HDAC5: variants seen among roughly 807,000 people sequenced by gnomAD.
HDAC5 encodes antigen NY-CO-9.
A neutral mutation model predicts 133.3 loss-of-function variants in HDAC5; 25 were observed. The observed-to-expected ratio is 0.19, with a 90% CI of 0.14 to 0.26. HDAC5 has a LOEUF of 0.26. HDAC5 is among the 10% of genes least tolerant of loss of function. The probability of loss-of-function intolerance (pLI) is 1.00; values close to 1 mark genes in which losing one functional copy is unlikely to be tolerated. For synonymous variants in HDAC5, 589 were observed against 610.8 expected, an observed-to-expected ratio of 0.96 and a Z score of 0.53; for missense variants, 1,041 against 1,460.5, an observed-to-expected ratio of 0.71 and a Z score of 4.68.
chr17:44,095,647 G>GT (rs935218779), intron 3 of HDAC5, among the ~76,000 whole-genome samples: 4 of 151,896 alleles, frequency 2.6e-5, no homozygotes, highest in African/African-American at 9.7e-5. Flanking sequence ...CAGTTTTATT[G>GT]TAATTACCCT....
Position 44,091,803 on chromosome 17 carries a change from A to G in HDAC5, c.1061T>C (p.Leu354Pro). The change falls in exon 10 of 27, where the codon CTG (leucine) becomes CCG (proline). Residue 354 changes from leucine (L) to proline (P), a missense_variant. Leu to Pro is a moderately conservative substitution (Grantham distance 98). This residue lies in a region of HDAC5 where 433 missense variants were observed against 531.6 expected (regional missense o/e 0.81). Transcript: ENST00000682912. ...EMLPQHRALP[L>P]DSSPNQFSLY... The stretch of plus-strand genomic sequence containing the variant: ...GCTGAACTGGTTGGGGGAGCTGTCC[A>G]GAGGGAGGGCTCGGTGCTGAGGGAG... 6.3e-7 allele frequency: 1 copy of G among 1,592,646 alleles called. No homozygotes were observed. Among genetic ancestry groups the G allele is most frequent in the African/African-American group, 1.3e-5 (1 of 74,270 alleles).
rs773299458 is a variant in HDAC5 at position 44,087,474 on chromosome 17, C to G, written c.1822G>C (p.Glu608Gln). The G allele has an allele frequency of 3.2e-6, 5 of 1,542,278 alleles. No individual in the cohort carries two copies. The South Asian group carries it at 3.3e-5, about 10-fold the overall frequency. The change falls in exon 13 of 27, where the codon GAG (glutamate) becomes CAG (glutamine). Residue 608 changes from glutamate (E) to glutamine (Q), a missense_variant. By Grantham distance (29) the Glu-to-Gln change is conservative. Transcript: ENST00000682912. ...CCCTCCTCAGCACCACTCTCGCCCT[C>G]CTCGTCCTTAACCTGGATGCAATCC... is the stretch of plus-strand genomic sequence containing the variant. ...EEDCIQVKDE[E>Q]GESGAEEGPD...
At chr17:44,101,026 T>G (rs1203525988) in intron 3 of HDAC5, among the ~76,000 whole-genome samples, 3 of 149,264 alleles carry the variant, frequency 2.0e-5, no homozygotes, top group Non-Finnish European at 4.5e-5. Flanking sequence ...CTTGACCTCA[T>G]GATCCGCCCG....
At chr17:44,115,879 G>A (rs1004688854) in intron 2 of HDAC5, 1 of 152,242 alleles carries the variant, frequency 6.6e-6, no homozygotes, top group Non-Finnish European at 1.5e-5. Context: ...GGGCTCAGCA[G>A]TGGCTCTCAA....
intron 13 of HDAC5, 116 bp downstream of exon 13, chr17:44,087,296 G>C: frequency 3.0e-6 from 2 of 659,152 alleles, no homozygotes; most frequent in South Asian, 3.7e-5. Context: ...ACAGAAAGCT[G>C]CTCCTGCACA....
chr17:44,084,724 A>T (rs756497044), intron 15 of HDAC5, 49 bp from the exon 16 acceptor site: 37 of 1,605,236 alleles, frequency 2.3e-5, no homozygotes, highest in Middle Eastern at 1.7e-4. Context: ...CAGCTCTCTC[A>T]GAGCCTCTCT....
rs2051089945 is a variant in HDAC5 at position 44,093,750 on chromosome 17, C to T, written c.179G>A (p.Arg60Gln). ...GGGSPSPVEL[R>Q]GALVGSVDPT... ...GTCCACAGAGCCCACCAGAGCCCCC[C>T]GTAGCTCCACAGGGCTGGGGCTGCC... The change falls in exon 4 of 27, where the codon CGG (arginine) becomes CAG (glutamine). Residue 60 changes from arginine to glutamine, a missense_variant. Coordinates refer to ENST00000682912, the MANE Select transcript of HDAC5 (RefSeq NM_005474.5). The T allele has an allele frequency of 8.7e-6, 14 of 1,601,768 alleles. No individual in the cohort carries two copies. The highest frequency in any genetic ancestry group is 2.2e-5 in the East Asian group (1 of 44,670).
intron 16 of HDAC5, 55 bp from the exon 17 acceptor site, chr17:44,083,909 A>T: frequency 6.9e-7 from 1 of 1,454,216 alleles, no homozygotes; most frequent in Non-Finnish European, 9.7e-7. Context: ...GGATCACCTG[A>T]GGTCAGGAGT....
chr17:44,114,923 G>T (rs768354836), intron 2 of HDAC5, among the ~76,000 whole-genome samples: 4 of 152,202 alleles, frequency 2.6e-5, no homozygotes, highest in Non-Finnish European at 5.9e-5. Flanking sequence ...GACTGCAAAA[G>T]AGGTAAATAA....
rs61746464 is a variant in HDAC5, at chr17:44,091,491, G to T, written c.1166C>A (p.Ala389Asp). 3.0e-5 allele frequency: 46 copies of T among 1,545,988 alleles called. No individual in the cohort carries two copies. The highest frequency in any genetic ancestry group is 3.8e-5 in the Non-Finnish European group (44 of 1,150,236). Residue 389 changes from alanine to aspartate, a missense_variant and splice_region_variant, in exon 11 of 27, where the codon GCC becomes GAC. This residue lies in a region of HDAC5 where 433 missense variants were observed against 531.6 expected (regional missense o/e 0.81). Coordinates refer to ENST00000682912, the MANE Select transcript of HDAC5 (RefSeq NM_005474.5). ...TVTVTNSHLT[A>D]SPKLSTQQEA... The stretch of plus-strand genomic sequence containing the variant: ...CTGCTGTGTCGACAGCTTCGGGGAG[G>T]CCTGGGGGGTGAAGGGAGGGGCTTA...
In HDAC5 at chr17:44,088,481, G is replaced by A; in HGVS notation, c.1505C>T (p.Pro502Leu). Residue 502 changes from proline to leucine, a missense_variant, in exon 12 of 27, where the codon CCG becomes CTG. Physicochemically the swap from Pro to Leu is moderately conservative, Grantham distance 98 (BLOSUM62 -3). Around this residue, in one of 9 missense-constraint regions of HDAC5, gnomAD observed 433 missense variants for 531.6 expected, o/e 0.81. Coordinates refer to ENST00000682912, the MANE Select transcript of HDAC5 (RefSeq NM_005474.5). ...PLSRTQSSPLPQSPQALQQLV... is the reference protein window; with the variant it reads ...PLSRTQSSPLLQSPQALQQLV... ...CTGCTGCAGGGCCTGGGGACTCTGC[G>A]GCAGCGGTGAGGACTGAGTGCGGCT... is the stretch of plus-strand genomic sequence containing the variant. The A allele has an allele frequency of 1.9e-6, 3 of 1,611,428 alleles. No individual in the cohort carries two copies. The highest frequency in any genetic ancestry group is 1.3e-5 in the African/African-American group (1 of 75,014).
chr17:44,080,956 G>A, intron 20 of HDAC5, 74 bp from the exon 21 acceptor site: 3 of 1,594,502 alleles, frequency 1.9e-6, no homozygotes, highest in East Asian at 2.2e-5. Flanking sequence ...CCTGTCAGCT[G>A]AGCACTGTAG....
Position 44,083,540 on chromosome 17 carries a change from C to T in HDAC5, c.2463+5G>A. The stretch of plus-strand genomic sequence containing the variant: ...GGGGCACCGAGGTCACAAGCACACG[C>T]TCACCTTGAGCTCTCCTGCAGCCAC... On this transcript the variant is annotated splice_donor_5th_base_variant and intron_variant, in intron 18 of 26. Transcript: ENST00000682912. 1 of 1,610,014 alleles carries T rather than the reference C, an allele frequency of 6.2e-7. No homozygotes were observed. The highest frequency in any genetic ancestry group is 1.1e-5 in the South Asian group (1 of 90,652).
Position 44,117,439 on chromosome 17 carries a change from C to A in HDAC5, c.22+55G>T, listed in dbSNP as rs2052716095. ...TGGCCTGGAAGGGAAACCCACACAGCCCATTGCATCCGAAGCTACCCCAGG... is the reference window on the plus strand; with the variant it reads ...TGGCCTGGAAGGGAAACCCACACAGACCATTGCATCCGAAGCTACCCCAGG... On this transcript the variant is annotated intron_variant, in intron 2 of 26. Coordinates refer to ENST00000682912, the MANE Select transcript of HDAC5 (RefSeq NM_005474.5). The surrounding 1 kb of genome is among the most constrained non-coding windows in gnomAD (Gnocchi z 4.2). 1 of 1,588,612 alleles carries A rather than the reference C, an allele frequency of 6.3e-7. No homozygotes were observed. Among genetic ancestry groups the A allele is most frequent in the Admixed American group, 1.7e-5 (1 of 59,962 alleles).
At chr17:44,089,362 G>A (rs376099480) in intron 11 of HDAC5, among the ~76,000 whole-genome samples, 2 of 151,932 alleles carry the variant, frequency 1.3e-5, no homozygotes, top group East Asian at 2.0e-4. Flanking sequence ...TAATCCCAGC[G>A]CTTTGGGAGG....
intron 12 of HDAC5, among the ~76,000 whole-genome samples, chr17:44,088,142 G>A (rs2143184360): frequency 6.6e-6 from 1 of 152,296 alleles, no homozygotes; most frequent in South Asian, 2.1e-4. Flanking sequence ...CCGAGTAGCT[G>A]GGATTATTAT....
intron 3 of HDAC5, among the ~76,000 whole-genome samples, chr17:44,101,879 G>T (rs2051631744): frequency 6.6e-6 from 1 of 151,882 alleles, no homozygotes; most frequent in Non-Finnish European, 1.5e-5. Context: ...AAGAGGAGAT[G>T]AGGTAGGGGG....
At chr17:44,105,705 C>T (rs538269111) in intron 3 of HDAC5, among the ~76,000 whole-genome samples, 2 of 152,306 alleles carry the variant, frequency 1.3e-5, no homozygotes, top group South Asian at 2.1e-4. Flanking sequence ...GACTGACAGG[C>T]GGCTGGGAGT....
intron 7 of HDAC5, 69 bp from the exon 8 acceptor site, chr17:44,092,596 G>A (rs2051009279): frequency 1.3e-6 from 2 of 1,562,736 alleles, no homozygotes; most frequent in African/African-American, 1.3e-5. Context: ...GCCCACTGGG[G>A]TCAGGGCTGA....
Sources: gnomAD v4.1 joint callset for allele counts (sites outside exome capture counted in the v4.1 genomes callset) on GRCh38, gnomAD v4.1.1 for gene constraint, gnomAD v4.1.1 regional missense constraint, Gnocchi (gnomAD v3.1) non-coding constraint, MANE v1.5 for transcripts, NCBI Gene and HGNC (gene_info 2026-07-23, HGNC 2026-07-21) for gene names.